Variants in NCKAP5 observed in about 807,000 individuals in gnomAD.
NCKAP5 encodes the protein nck-associated protein 5.
NCKAP5 carries 92 observed loss-of-function variants against 167.0 expected under a neutral mutation model. The ratio of observed to expected loss-of-function variants is 0.55; its 90% CI spans 0.47 to 0.66. The LOEUF (loss-of-function observed/expected upper bound fraction) is 0.66, where lower values mean the gene tolerates loss of function less well. Among genes scored for constraint, NCKAP5 ranks in the 30% least tolerant of loss-of-function variants. NCKAP5 has a pLI of 0.00. For missense variants in NCKAP5, 2,378 were observed against 2,315.0 expected (o/e 1.03, Z -0.56); for synonymous variants, 891 against 877.4 (o/e 1.02, Z -0.27).
intron 3 of NCKAP5, among the ~76,000 whole-genome samples, chr2:133,445,742 T>G (rs746625085): frequency 6.6e-6 from 1 of 151,462 alleles, no homozygotes; most frequent in Non-Finnish European, 1.5e-5. Flanking sequence ...GGAGTTCAGG[T>G]TGAGGGAGGG....
chr2:133,399,385 TAA>T (rs5834357), intron 3 of NCKAP5, among the ~76,000 whole-genome samples: 1 of 139,206 alleles, frequency 7.2e-6, no homozygotes. Flanking sequence ...ACCCTAAGAT[TAA>T]AAAAAAAAAA....
chr2:132,874,112 T>A (rs1691063385), intron 9 of NCKAP5, among the ~76,000 whole-genome samples: 1 of 146,838 alleles, frequency 6.8e-6, no homozygotes, highest in African/African-American at 2.5e-5. Context: ...GATTTTTTTT[T>A]TTTTTTTTTT....
chr2:133,027,535 T>C (rs2078739809), intron 6 of NCKAP5, among the ~76,000 whole-genome samples: 2 of 152,162 alleles, frequency 1.3e-5, no homozygotes, highest in Admixed American at 1.3e-4. Flanking sequence ...AGAGCTGGAA[T>C]ACAAACTCAG....
chr2:133,530,349 T>C (rs1385431329), intron 2 of NCKAP5, among the ~76,000 whole-genome samples: 1 of 152,162 alleles, frequency 6.6e-6, no homozygotes, highest in African/African-American at 2.4e-5. Flanking sequence ...TGATGTCATA[T>C]AGGCCAGACT....
At chr2:132,780,981 A>G in intron 15 of NCKAP5, 71 bp downstream of exon 15, 1 of 1,468,054 alleles carries the variant, frequency 6.8e-7, no homozygotes, top group Non-Finnish European at 9.2e-7. Flanking sequence ...TTTCATTAGC[A>G]AACGGTAGAA....
intron 8 of NCKAP5, among the ~76,000 whole-genome samples, chr2:132,962,587 T>C (rs966804325): frequency 2.6e-5 from 4 of 151,178 alleles, no homozygotes; most frequent in African/African-American, 9.7e-5. Context: ...CCAGGTCTTT[T>C]TGTTTTTTTG....
rs535405067 is a variant in NCKAP5, at chr2:133,532,408, C to T, written c.-61-14821G>A. ...CACATGTTTGAGTGAGAAGGCAGTG[C>T]CAAATTGCTCCCCAAAAATGACTGT... On this transcript the variant is annotated intron_variant, in intron 2 of 19. Coordinates refer to ENST00000409261, the MANE Select transcript of NCKAP5 (RefSeq NM_207363.3). Among the ~76,000 whole-genome samples, 7 of 152,258 alleles carry T rather than the reference C, an allele frequency of 4.6e-5. No individual in the cohort carries two copies. The East Asian group carries it at 1.4e-3, about 29-fold the overall frequency.
chr2:132,811,170 G>A (rs921394839), intron 11 of NCKAP5, among the ~76,000 whole-genome samples: 4 of 152,150 alleles, frequency 2.6e-5, no homozygotes, highest in Non-Finnish European at 4.4e-5. Flanking sequence ...TGGTGGAGGC[G>A]ACAGGGGAAT....
intron 3 of NCKAP5, among the ~76,000 whole-genome samples, chr2:133,372,419 TAATAA>T (rs1271885415): frequency 6.6e-6 from 1 of 152,170 alleles, no homozygotes; most frequent in African/African-American, 2.4e-5. Context: ...GTAAGGGACT[TAATAA>T]AATGATTCCT....
chr2:133,609,112 C>T, the NCKAP5 span, among the ~76,000 whole-genome samples: 2 of 152,170 alleles, frequency 1.3e-5, no homozygotes, highest in Non-Finnish European at 2.9e-5. Context: ...GTGCTATTCA[C>T]GAGCCAGGCA....
At chr2:133,270,923 TTTTTTTTC>T (rs1420379209) in intron 4 of NCKAP5, among the ~76,000 whole-genome samples, 7 of 140,876 alleles carry the variant, frequency 5.0e-5, no homozygotes, top group Admixed American at 1.4e-4. Flanking sequence ...TTTTTTTTTT[TTTTTTTTC>T]TTTTTTGAGA....
chr2:133,202,021 G>A (rs991772624), intron 5 of NCKAP5, among the ~76,000 whole-genome samples: 1 of 152,002 alleles, frequency 6.6e-6, no homozygotes, highest in Non-Finnish European at 1.5e-5. Flanking sequence ...TCTTCACAGA[G>A]TTGGAAAAAA....
At chr2:132,891,283 C>T (rs79403973) in intron 8 of NCKAP5, among the ~76,000 whole-genome samples, 3,998 of 152,206 alleles carry the variant, frequency 0.026, 171 homozygotes, top group African/African-American at 0.09. Context: ...ATTCAGGGCA[C>T]CTACAGTAGG....
At chr2:133,177,164 CTATATATATA>C (rs61395261) in intron 5 of NCKAP5, among the ~76,000 whole-genome samples, 2 of 138,608 alleles carry the variant, frequency 1.4e-5, no homozygotes, top group Non-Finnish European at 3.0e-5. Context: ...GTTTTGTTTT[CTATATATATA>C]TATATATATA....
At chr2:132,872,704 C>A (rs1690922156) in intron 9 of NCKAP5, among the ~76,000 whole-genome samples, 1 of 152,156 alleles carries the variant, frequency 6.6e-6, no homozygotes, top group African/African-American at 2.4e-5. Context: ...AAGCCACTGT[C>A]ATGTCAACAA....
chr2:132,722,992 T>C (rs759958069), intron 19 of NCKAP5, among the ~76,000 whole-genome samples: 4 of 151,668 alleles, frequency 2.6e-5, no homozygotes, highest in Admixed American at 6.6e-5. Context: ...ACCTGTCTTA[T>C]TTAAAAAAAA....
At chr2:133,353,593 A>T (rs1415903229) in intron 3 of NCKAP5, among the ~76,000 whole-genome samples, 1 of 152,182 alleles carries the variant, frequency 6.6e-6, no homozygotes, top group Non-Finnish European at 1.5e-5. Flanking sequence ...TTGTACCCAA[A>T]AAGTTGCCTT....
intron 3 of NCKAP5, among the ~76,000 whole-genome samples, chr2:133,360,537 C>A (rs758770293): frequency 5.9e-5 from 9 of 152,004 alleles, no homozygotes; most frequent in Non-Finnish European, 8.8e-5. Flanking sequence ...TCAGTGTTTG[C>A]GTGACAAAGG....
chr2:132,719,602 G>A (rs991978481), intron 19 of NCKAP5, among the ~76,000 whole-genome samples: 2 of 152,220 alleles, frequency 1.3e-5, no homozygotes, highest in African/African-American at 4.8e-5. Context: ...GCATTTAAGG[G>A]GCACGAGACT....
Sources: gnomAD v4.1 joint callset for allele counts (sites outside exome capture counted in the v4.1 genomes callset) on GRCh38, gnomAD v4.1.1 for gene constraint, MANE v1.5 for transcripts, NCBI Gene and HGNC (gene_info 2026-07-23, HGNC 2026-07-21) for gene names.